MGAT5: variants seen among roughly 807,000 people sequenced by gnomAD.
The protein encoded by MGAT5 is alpha-1,6-mannosylglycoprotein 6-beta-N-acetylglucosaminyltransferase A.
In MGAT5, 30 loss-of-function variants were observed where a neutral mutation model predicts 94.3. That is an observed-to-expected ratio of 0.32 (90% confidence interval 0.24 to 0.43). The LOEUF is 0.43. Ranked by LOEUF, MGAT5 falls within the 20% of genes least tolerant of loss-of-function variation. The pLI is 1.00. For missense variants in MGAT5, 691 were observed against 905.5 expected, an observed-to-expected ratio of 0.76 and a Z score of 3.04; for synonymous variants, 310 against 322.9, an observed-to-expected ratio of 0.96 and a Z score of 0.43.
intron 10 of MGAT5, among the ~76,000 whole-genome samples, chr2:134,386,703 T>G (rs975380211): frequency 1.3e-5 from 2 of 152,228 alleles, no homozygotes; most frequent in Non-Finnish European, 2.9e-5. Flanking sequence ...TGAAGCTGTG[T>G]CTAGTCTTTA....
chr2:134,416,106 G>C (rs899744965), intron 12 of MGAT5, among the ~76,000 whole-genome samples: 12 of 152,098 alleles, frequency 7.9e-5, no homozygotes, highest in African/African-American at 2.9e-4. Flanking sequence ...TTTAACATTT[G>C]AGATAAAGTA....
At chr2:134,194,738 C>T (rs890130670) in intron 1 of MGAT5, among the ~76,000 whole-genome samples, 2 of 152,028 alleles carry the variant, frequency 1.3e-5, no homozygotes, top group African/African-American at 4.8e-5. Context: ...GAAATAATGC[C>T]CCCTTCACCA....
At chr2:134,349,435 A>G (rs1407509604) in intron 8 of MGAT5, among the ~76,000 whole-genome samples, 4 of 152,218 alleles carry the variant, frequency 2.6e-5, no homozygotes, top group Non-Finnish European at 5.9e-5. Context: ...TTTCTTTGGC[A>G]TCAGTTGATT....
At chr2:134,171,001 C>T (rs567279426) in intron 1 of MGAT5, among the ~76,000 whole-genome samples, 1 of 152,128 alleles carries the variant, frequency 6.6e-6, no homozygotes, top group Non-Finnish European at 1.5e-5. Context: ...ACTGGGATTA[C>T]AGGCACGTAC....
intron 1 of MGAT5, among the ~76,000 whole-genome samples, chr2:134,231,791 C>T (rs1298670385): frequency 1.3e-5 from 2 of 152,140 alleles, no homozygotes; most frequent in Admixed American, 6.5e-5. Context: ...AATGATCAGA[C>T]CAGGGCGGGG....
chr2:134,240,070 TC>T (rs1156727601), intron 1 of MGAT5, among the ~76,000 whole-genome samples: 1 of 152,158 alleles, frequency 6.6e-6, no homozygotes, highest in Non-Finnish European at 1.5e-5. Context: ...AAAAATTTCT[TC>T]CAAAGTCTTC....
At chr2:134,202,010 A>C (rs1230795091) in intron 1 of MGAT5, among the ~76,000 whole-genome samples, 3 of 151,662 alleles carry the variant, frequency 2.0e-5, no homozygotes, top group African/African-American at 7.3e-5. Flanking sequence ...AAGAGATGCA[A>C]CTATTTTCAT....
intron 10 of MGAT5, among the ~76,000 whole-genome samples, chr2:134,374,193 G>A (rs144117299): frequency 3.8e-4 from 58 of 152,324 alleles, no homozygotes; most frequent in African/African-American, 1.3e-3. Context: ...CATTGGGCCA[G>A]TTGAAGGAAG....
chr2:134,126,435 A>G (rs1421407579), intron 1 of MGAT5, among the ~76,000 whole-genome samples: 7 of 152,250 alleles, frequency 4.6e-5, no homozygotes, highest in African/African-American at 1.7e-4. Context: ...ACATGTGGCA[A>G]AAGGCTTGTA....
intron 1 of MGAT5, among the ~76,000 whole-genome samples, chr2:134,129,590 T>G (rs1378983184): frequency 6.6e-6 from 1 of 152,184 alleles, no homozygotes; most frequent in Non-Finnish European, 1.5e-5. Flanking sequence ...CTTCTCCCCT[T>G]TGAACATATT....
chr2:134,219,823 C>T (rs1203429633), intron 1 of MGAT5, among the ~76,000 whole-genome samples: 1 of 152,172 alleles, frequency 6.6e-6, no homozygotes, highest in African/African-American at 2.4e-5. Context: ...GGTTTCAAAT[C>T]TTGTTCCTGC....
intron 11 of MGAT5, among the ~76,000 whole-genome samples, chr2:134,404,158 T>C (rs111830323): frequency 0.015 from 2,360 of 152,306 alleles, 78 homozygotes; most frequent in African/African-American, 0.053. Flanking sequence ...GGGATGCAAG[T>C]GTGAAGAAGG....
At chr2:134,219,287 C>T (rs574201688) in intron 1 of MGAT5, among the ~76,000 whole-genome samples, 1 of 152,198 alleles carries the variant, frequency 6.6e-6, no homozygotes, top group South Asian at 2.1e-4. Context: ...TGTGTAGCTG[C>T]TTCTGCAGTG....
intron 13 of MGAT5, among the ~76,000 whole-genome samples, chr2:134,424,188 G>A (rs1264205363): frequency 2.0e-5 from 3 of 152,324 alleles, no homozygotes; most frequent in Admixed American, 6.5e-5. Context: ...GACTGAAAGG[G>A]AAGAGGCTGG....
chr2:134,299,104 G>A (rs16830347), intron 2 of MGAT5, among the ~76,000 whole-genome samples: 6,736 of 152,074 alleles, frequency 0.044, 387 homozygotes, highest in African/African-American at 0.11. Flanking sequence ...CTTTCCAAGC[G>A]TCAATACCAC....
rs116243445 is a variant in MGAT5 at position 134,447,621 on chromosome 2, C to T, written c.2028-1028C>T. ...TCTGATATCAGATACAGCATGGGTT[C>T]CCACCTCGCATTCATGCAGGACACC... On this transcript the variant is annotated intron_variant, in intron 15 of 15. Coordinates refer to ENST00000281923, the MANE Select transcript of MGAT5 (RefSeq NM_002410.5). 8.2e-3 allele frequency among the ~76,000 whole-genome samples: 1,256 copies of T among 152,290 alleles called. 18 individuals are homozygous for T. Among genetic ancestry groups the T allele is most frequent in the African/African-American group, 0.028 (1,168 of 41,548 alleles).
intron 9 of MGAT5, among the ~76,000 whole-genome samples, chr2:134,357,822 C>G (rs111805099): frequency 1.3e-5 from 2 of 152,140 alleles, no homozygotes; most frequent in African/African-American, 4.8e-5. Flanking sequence ...ATTACAGTTT[C>G]CCTAGCCTGC....
upstream of MGAT5, among the ~76,000 whole-genome samples, chr2:134,251,198 C>CAAAAA (rs569492298): frequency 7.3e-6 from 1 of 136,314 alleles, no homozygotes; most frequent in Non-Finnish European, 1.6e-5. Context: ...TATGGGTTAT[C>CAAAAA]AAAAAAAAAA....
intron 5 of MGAT5, among the ~76,000 whole-genome samples, chr2:134,336,584 A>G (rs1357904781): frequency 6.6e-6 from 1 of 152,148 alleles, no homozygotes. Flanking sequence ...AATAATGACC[A>G]TCTCTGTCAC....
Sources: allele counts gnomAD v4.1 joint callset (sites outside exome capture counted in the v4.1 genomes callset), GRCh38; gene constraint gnomAD v4.1.1; transcripts MANE v1.5; gene names NCBI Gene and HGNC (gene_info 2026-07-23, HGNC 2026-07-21).